Variants in RAPGEF2 observed in about 807,000 individuals in gnomAD.
RAPGEF2 encodes the protein PDZ domain containing guanine nucleotide exchange factor (GEF) 1.
Under a neutral mutation model 186.7 loss-of-function variants are expected in RAPGEF2, and 54 were observed. That is an observed-to-expected ratio of 0.29 (90% CI 0.23 to 0.36). The LOEUF is 0.36. RAPGEF2 is among the 10% of genes least tolerant of loss of function. The probability of loss-of-function intolerance (pLI) is 1.00; values close to 1 mark genes in which losing one functional copy is unlikely to be tolerated. For missense variants in RAPGEF2, 1,532 were observed against 2,045.0 expected (o/e 0.75, Z 4.84); for synonymous variants, 712 against 705.9 (o/e 1.01, Z -0.14).
At chr4:159,158,879 G>A (rs1744403534) in intron 1 of RAPGEF2, among the ~76,000 whole-genome samples, 1 of 152,080 alleles carries the variant, frequency 6.6e-6, no homozygotes, top group Admixed American at 6.6e-5. Flanking sequence ...TCTTATTTGG[G>A]TTTTTTGGAG....
chr4:159,145,637 A>G (rs984315454), intron 1 of RAPGEF2, among the ~76,000 whole-genome samples: 1 of 152,236 alleles, frequency 6.6e-6, no homozygotes, highest in Non-Finnish European at 1.5e-5. Context: ...CACCAGGACC[A>G]GTGGCATGTC....
chr4:159,147,635 A>G (rs918178349), intron 1 of RAPGEF2, among the ~76,000 whole-genome samples: 2 of 152,266 alleles, frequency 1.3e-5, no homozygotes, highest in African/African-American at 2.4e-5. Context: ...ATTTATGGTT[A>G]GATGTCAGTG....
At chr4:159,260,223 G>T (rs571791466) in intron 7 of RAPGEF2, among the ~76,000 whole-genome samples, 1 of 151,458 alleles carries the variant, frequency 6.6e-6, no homozygotes, top group African/African-American at 2.4e-5. Flanking sequence ...CAAGCAATTT[G>T]CCTGCTTCAG....
intron 4 of RAPGEF2, among the ~76,000 whole-genome samples, chr4:159,234,993 CAA>C (rs1753083017): frequency 1.3e-5 from 2 of 152,278 alleles, no homozygotes; most frequent in South Asian, 4.1e-4. Flanking sequence ...CTCCTAACCT[CAA>C]GTGTTCTGCC....
chr4:159,339,000 T>C, intron 18 of RAPGEF2, 114 bp from the exon 19 acceptor site: 1 of 1,285,308 alleles, frequency 7.8e-7, no homozygotes, highest in South Asian at 1.5e-5. Flanking sequence ...AAGGGAGAGG[T>C]AAAAGTTCAG....
intron 4 of RAPGEF2, among the ~76,000 whole-genome samples, chr4:159,218,090 T>G (rs1258689155): frequency 6.6e-6 from 1 of 152,238 alleles, no homozygotes; most frequent in Non-Finnish European, 1.5e-5. Flanking sequence ...ATTTTAAAAA[T>G]AACTCACTAG....
chr4:159,302,920 G>C (rs905393044), intron 7 of RAPGEF2, among the ~76,000 whole-genome samples: 1 of 151,802 alleles, frequency 6.6e-6, no homozygotes, highest in Non-Finnish European at 1.5e-5. Flanking sequence ...ATAGGTTTGC[G>C]ATTATTTCAC....
At chr4:159,104,660 C>A (rs1002905781) in intron 1 of RAPGEF2, among the ~76,000 whole-genome samples, 9 of 152,038 alleles carry the variant, frequency 5.9e-5, no homozygotes, top group Non-Finnish European at 1.3e-4. Context: ...GTCTCATCTC[C>A]CCTCGGGCAG....
intron 11 of RAPGEF2, 130 bp downstream of exon 11, chr4:159,323,747 A>G (rs1298319286): frequency 2.1e-6 from 1 of 466,272 alleles, no homozygotes; most frequent in Non-Finnish European, 3.2e-6. Flanking sequence ...GAGACAGAGT[A>G]TTGTTCTGTC....
chr4:159,242,129 A>G (rs556285113), intron 6 of RAPGEF2, among the ~76,000 whole-genome samples: 17 of 152,002 alleles, frequency 1.1e-4, no homozygotes, highest in Non-Finnish European at 1.6e-4. Context: ...CAAGATCTCA[A>G]TAAAGTCACT....
chr4:159,332,859 T>G, intron 17 of RAPGEF2, 162 bp downstream of exon 17: 3 of 779,552 alleles, frequency 3.8e-6, no homozygotes, highest in Non-Finnish European at 3.7e-6. Context: ...TGTTTTAATC[T>G]CGTTTTTGCC....
At position 159,304,375 on chromosome 4, in the gene RAPGEF2, G is replaced by A; in HGVS notation, c.577G>A (p.Asp193Asn). Residue 193 changes from aspartate (D) to asparagine (N), a missense_variant, in exon 8 of 30, where the codon GAC (aspartate) becomes AAC (asparagine). Transcript: ENST00000691494. Reference sequence around the variant, plus strand: ...AGATTTCACAAAACTGCATCTTACTGACAGTCTCCACCCACAGGTGACCCA... The same window carrying A: ...AGATTTCACAAAACTGCATCTTACTAACAGTCTCCACCCACAGGTGACCCA... ...PADFTKLHLTDSLHPQVTHVS... is the reference protein window; with the variant it reads ...PADFTKLHLTNSLHPQVTHVS... 6.2e-7 allele frequency: 1 copy of A among 1,605,274 alleles called. No homozygotes were observed. The highest frequency in any genetic ancestry group is 8.5e-7 in the Non-Finnish European group (1 of 1,172,780).
At chr4:159,150,199 AAAGT>A (rs1743388717) in intron 1 of RAPGEF2, among the ~76,000 whole-genome samples, 1 of 151,412 alleles carries the variant, frequency 6.6e-6, no homozygotes, top group African/African-American at 2.5e-5. Flanking sequence ...TATATACTAT[AAAGT>A]CACCATGACC....
At position 159,332,496 on chromosome 4, in the gene RAPGEF2, G is replaced by A. The variant is rs755829330; in HGVS notation, c.1934G>A (p.Gly645Asp). Residue 645 changes from glycine to aspartate, a missense_variant, in exon 17 of 30, where the codon GGT becomes GAT. Around this residue, in one of 4 missense-constraint regions of RAPGEF2, gnomAD observed 810 missense variants for 1,210.5 expected, o/e 0.67. Coordinates refer to ENST00000691494, the MANE Select transcript of RAPGEF2 (RefSeq NM_001394067.2). Reference sequence around the variant, plus strand: ...AGATTGTCAGAAGAGAAAAGAAATGGTGCCCCCCACCTTCCTAAAATTGGT... The same window carrying A: ...AGATTGTCAGAAGAGAAAAGAAATGATGCCCCCCACCTTCCTAAAATTGGT... ...LTRLSEEKRN[G>D]APHLPKIGDI... is the part of the protein sequence containing the mutation. The A allele has an allele frequency of 9.9e-6, 16 of 1,613,812 alleles. No homozygotes were observed. Among genetic ancestry groups the A allele is most frequent in the Non-Finnish European group, 1.3e-5 (15 of 1,179,830 alleles).
intron 1 of RAPGEF2, among the ~76,000 whole-genome samples, chr4:159,157,264 T>C (rs1744228132): frequency 6.6e-6 from 1 of 152,178 alleles, no homozygotes. Flanking sequence ...TAGGTGGTTA[T>C]AGCTGAGTAT....
At chr4:159,293,434 G>A (rs1761502898) in intron 7 of RAPGEF2, among the ~76,000 whole-genome samples, 1 of 152,162 alleles carries the variant, frequency 6.6e-6, no homozygotes. Context: ...ATAGTGTCTG[G>A]CCTACTGGTT....
At position 159,198,430 on chromosome 4, in the gene RAPGEF2, CTCTT is replaced by C. The variant is rs1417756945; in HGVS notation, c.197+5187_197+5190del. Among the ~76,000 whole-genome samples the C allele has an allele frequency of 4.6e-4, 32 of 69,766 alleles. 1 individual carries two copies. The highest frequency in any genetic ancestry group is 2.1e-3 in the South Asian group (5 of 2,392). 45.8% of individuals were successfully genotyped at this position (69,766 alleles called of 152,430 possible). On this transcript the variant is annotated intron_variant, in intron 3 of 29. Coordinates refer to ENST00000691494, the MANE Select transcript of RAPGEF2 (RefSeq NM_001394067.2). ...CCTCTCTTCCTCTCTCTCTCTCTCT[CTCTT>C]TCTTTCTTTCTTCTTACTGTTTTTT...
At chr4:159,174,309 G>A (rs1011171228) in intron 1 of RAPGEF2, among the ~76,000 whole-genome samples, 2 of 152,122 alleles carry the variant, frequency 1.3e-5, no homozygotes, top group African/African-American at 4.8e-5. Flanking sequence ...TAACCCTTGT[G>A]TTTTCTTCAA....
intron 12 of RAPGEF2, 147 bp from the exon 13 acceptor site, chr4:159,330,187 C>G: frequency 1.3e-6 from 1 of 796,676 alleles, no homozygotes; most frequent in East Asian, 2.7e-5. Flanking sequence ...AACTGTGTTA[C>G]TATCCAATTC....
Sources: gnomAD v4.1 joint callset for allele counts (sites outside exome capture counted in the v4.1 genomes callset) on GRCh38, gnomAD v4.1.1 for gene constraint, gnomAD v4.1.1 regional missense constraint, MANE v1.5 for transcripts, NCBI Gene and HGNC (gene_info 2026-07-23, HGNC 2026-07-21) for gene names.